The following MYZAP variants were observed in gnomAD, a reference collection of about 807,000 sequenced individuals.
MYZAP encodes myocardial zonula adherens protein, also known as GRINL1A complex locus upstream.
MYZAP carries 66 observed loss-of-function variants against 69.4 expected under a neutral mutation model. The ratio of observed to expected loss-of-function variants is 0.95; its 90% CI spans 0.78 to 1.17. The LOEUF is 1.17. Ranked by LOEUF, MYZAP falls within the 50% of genes most tolerant of loss-of-function variation. The probability of loss-of-function intolerance (pLI) is 0.00; values close to 1 mark genes in which losing one functional copy is unlikely to be tolerated. For missense variants in MYZAP, 611 were observed against 556.2 expected, an observed-to-expected ratio of 1.10 and a Z score of -0.99; for synonymous variants, 256 against 205.9, an observed-to-expected ratio of 1.24 and a Z score of -2.09.
chr15:57,627,459 G>A lies in MYZAP; in HGVS notation c.525+1567G>A, dbSNP rs535106337. On this transcript the variant is annotated intron_variant, in intron 5 of 12. Transcript: ENST00000267853. ...AAGGAGAAGGAGAAGCCATCTCACA[G>A]CAGGAAACTCAACCTGGTAGAGGAA... Among the ~76,000 whole-genome samples, 4 of 151,976 alleles carry A rather than the reference G, an allele frequency of 2.6e-5. 1 individual carries two copies. In the South Asian group the frequency reaches 8.3e-4, roughly 32 times the overall value.
At chr15:57,644,490 G>A (rs2037337412) in intron 10 of MYZAP, among the ~76,000 whole-genome samples, 1 of 152,072 alleles carries the variant, frequency 6.6e-6, no homozygotes, top group African/African-American at 2.4e-5. Context: ...CTGTTGCTCA[G>A]GCTGGAGTGC....
chr15:57,645,066 C>T (rs1428479286), intron 10 of MYZAP, among the ~76,000 whole-genome samples: 1 of 152,230 alleles, frequency 6.6e-6, no homozygotes, highest in African/African-American at 2.4e-5. Context: ...AGACGTTACA[C>T]TTGGCCACAT....
At position 57,685,330 on chromosome 15, in the gene MYZAP, G is replaced by A. The variant is rs2039641359; in HGVS notation, c.*832G>A. On this transcript the variant is annotated 3_prime_UTR_variant, in exon 13 of 13. Transcript: ENST00000267853. ...TTTGATATTATAACCTATGTCACAT[G>A]TGTTTAATAAATACCATATATTTTG... 1 of 152,142 alleles carries A rather than the reference G, an allele frequency of 6.6e-6. No homozygotes were observed. Among genetic ancestry groups the A allele is most frequent in the Non-Finnish European group, 1.5e-5 (1 of 68,036 alleles). 9.4% of individuals were successfully genotyped at this position (152,142 alleles called of 1,614,324 possible).
intron 5 of MYZAP, among the ~76,000 whole-genome samples, chr15:57,627,719 G>T (rs1375028367): frequency 6.6e-6 from 1 of 152,100 alleles, no homozygotes; most frequent in Non-Finnish European, 1.5e-5. Context: ...ACAAACTGAG[G>T]CCGACAGAGA....
intron 3 of MYZAP, 51 bp from the exon 4 acceptor site, chr15:57,621,557 G>C: frequency 6.3e-7 from 1 of 1,582,194 alleles, no homozygotes; most frequent in Non-Finnish European, 8.6e-7. Flanking sequence ...TAGAAATCTT[G>C]TATGAAAATG....
intron 10 of MYZAP, among the ~76,000 whole-genome samples, chr15:57,641,613 C>A (rs192229280): frequency 2.0e-5 from 3 of 152,292 alleles, no homozygotes; most frequent in African/African-American, 7.2e-5. Flanking sequence ...CCCCTAGGGG[C>A]TGGCTGGGTT....
At chr15:57,626,678 T>C (rs2140416639) in intron 5 of MYZAP, among the ~76,000 whole-genome samples, 1 of 152,366 alleles carries the variant, frequency 6.6e-6, no homozygotes, top group African/African-American at 2.4e-5. Flanking sequence ...TTTATCCTCC[T>C]CTCAAAAGTT....
At chr15:57,680,840 G>A (rs1181645410) in intron 12 of MYZAP, 1 of 152,188 alleles carries the variant, frequency 6.6e-6, no homozygotes, top group East Asian at 1.9e-4. Context: ...GCAAAGACCA[G>A]AACACAAAGT....
chr15:57,593,699 T>C (rs1446399873), intron 1 of MYZAP, among the ~76,000 whole-genome samples: 1 of 152,176 alleles, frequency 6.6e-6, no homozygotes, highest in Non-Finnish European at 1.5e-5. Context: ...ATGGCAGACG[T>C]ATTTTGGACT....
At chr15:57,639,315 G>A in intron 9 of MYZAP, 125 bp from the exon 10 acceptor site, 1 of 1,015,354 alleles carries the variant, frequency 9.8e-7, no homozygotes. Flanking sequence ...TTGAAGTGTT[G>A]GGATTACAGG....
intron 12 of MYZAP, among the ~76,000 whole-genome samples, chr15:57,676,939 G>GT (rs1205921299): frequency 6.6e-6 from 1 of 152,184 alleles, no homozygotes; most frequent in Non-Finnish European, 1.5e-5. Context: ...CATCTTAGCA[G>GT]TTTAACTACC....
intron 1 of MYZAP, among the ~76,000 whole-genome samples, chr15:57,604,045 G>A (rs1482060362): frequency 3.9e-5 from 6 of 152,236 alleles, no homozygotes; most frequent in Non-Finnish European, 7.3e-5. Flanking sequence ...TGATTTGGTA[G>A]TTTCCTTCCT....
chr15:57,677,764 C>T (rs1471443042), intron 12 of MYZAP, among the ~76,000 whole-genome samples: 1 of 152,180 alleles, frequency 6.6e-6, no homozygotes, highest in East Asian at 1.9e-4. Context: ...CAGTTCCCTG[C>T]CCAGCCAGCT....
intron 2 of MYZAP, among the ~76,000 whole-genome samples, chr15:57,609,800 T>C (rs1312711337): frequency 2.0e-5 from 3 of 152,218 alleles, no homozygotes; most frequent in African/African-American, 4.8e-5. Context: ...TAGAATATAA[T>C]GTTTATAAAC....
intron 10 of MYZAP, chr15:57,646,790 C>T (rs1595906388): frequency 1.0e-6 from 1 of 985,444 alleles, no homozygotes; most frequent in Non-Finnish European, 1.2e-6. Context: ...CTTCTATCAC[C>T]ATCAGCATTT....
chr15:57,596,222 C>T (rs1410477512), intron 1 of MYZAP, among the ~76,000 whole-genome samples: 3 of 152,080 alleles, frequency 2.0e-5, no homozygotes, highest in South Asian at 2.1e-4. Context: ...TGGAGTGCTG[C>T]GTATGAGGTC....
intron 6 of MYZAP, 115 bp from the exon 7 acceptor site, chr15:57,632,319 A>G: frequency 6.6e-7 from 1 of 1,522,190 alleles, no homozygotes; most frequent in Non-Finnish European, 8.9e-7. Flanking sequence ...TCTGCTGCAG[A>G]ACCCAGTGGA....
At chr15:57,615,025 T>C (rs1414400842) in intron 2 of MYZAP, among the ~76,000 whole-genome samples, 3 of 152,146 alleles carry the variant, frequency 2.0e-5, no homozygotes. Context: ...TCAGGAGTCC[T>C]CTCCCCTGGT....
chr15:57,627,031 G>T (rs1186685054), intron 5 of MYZAP, among the ~76,000 whole-genome samples: 1 of 152,214 alleles, frequency 6.6e-6, no homozygotes, highest in Non-Finnish European at 1.5e-5. Flanking sequence ...GCTTGCCAAG[G>T]CTCCCTTTCC....
Sources: gnomAD v4.1 joint callset for allele counts (sites outside exome capture counted in the v4.1 genomes callset) on GRCh38, gnomAD v4.1.1 for gene constraint, MANE v1.5 for transcripts, NCBI Gene and HGNC (gene_info 2026-07-23, HGNC 2026-07-21) for gene names.